The following OPCML variants were observed in gnomAD, a reference collection of about 807,000 sequenced individuals.
OPCML encodes the protein opioid-binding protein/cell adhesion molecule.
A neutral mutation model predicts 37.8 loss-of-function variants in OPCML; 13 were observed. That is an observed-to-expected ratio of 0.34 (90% CI 0.22 to 0.55). The LOEUF is 0.55. Among genes scored for constraint, OPCML ranks in the 20% least tolerant of loss-of-function variants. The pLI is 0.91. For missense variants in OPCML, 341 were observed against 435.6 expected (o/e 0.78, Z 1.93); for synonymous variants, 176 against 168.8 (o/e 1.04, Z -0.33).
intron 4 of OPCML, among the ~76,000 whole-genome samples, chr11:132,490,810 C>CA (rs1014822376): frequency 6.3e-5 from 8 of 126,162 alleles, no homozygotes; most frequent in East Asian, 2.4e-4. Context: ...GACTCTATCT[C>CA]AAAAAAAAAG....
At chr11:133,286,303 T>A (rs1259207214) in intron 1 of OPCML, among the ~76,000 whole-genome samples, 5 of 150,930 alleles carry the variant, frequency 3.3e-5, no homozygotes, top group Admixed American at 6.6e-5. Context: ...ACAAAATAAA[T>A]AAATAAATAA....
chr11:133,388,767 A>G (rs1233391273), intron 1 of OPCML, among the ~76,000 whole-genome samples: 1 of 152,212 alleles, frequency 6.6e-6, no homozygotes, highest in African/African-American at 2.4e-5. Context: ...GAGTTATCAT[A>G]TAAGGATAGC....
chr11:132,503,389 G>T (rs1160665590), intron 4 of OPCML, among the ~76,000 whole-genome samples: 1 of 152,100 alleles, frequency 6.6e-6, no homozygotes, highest in Non-Finnish European at 1.5e-5. Context: ...CTGATAGAAG[G>T]TATTGATCAC....
At position 132,696,319 on chromosome 11, in the gene OPCML, G is replaced by C. The variant is rs149186426; in HGVS notation, c.147-39000C>G. ...ACAACATCACAGAAAGCCCACCCTA[G>C]CTATGATGAAATCCTATTCCAGTGC... On this transcript the variant is annotated intron_variant, in intron 2 of 7. Coordinates refer to ENST00000524381, the MANE Select transcript of OPCML (RefSeq NM_001012393.5). Among the ~76,000 whole-genome samples the C allele has an allele frequency of 1.9e-3, 290 of 152,176 alleles. 3 individuals are homozygous for C. Among genetic ancestry groups the C allele is most frequent in the African/African-American group, 6.6e-3 (273 of 41,524 alleles).
At chr11:132,548,367 C>G (rs1283369053) in intron 3 of OPCML, among the ~76,000 whole-genome samples, 1 of 152,128 alleles carries the variant, frequency 6.6e-6, no homozygotes, top group African/African-American at 2.4e-5. Context: ...CACCTGCCCC[C>G]CTATATCTGC....
chr11:132,590,343 G>T (rs2096482366), intron 3 of OPCML, among the ~76,000 whole-genome samples: 1 of 150,388 alleles, frequency 6.6e-6, no homozygotes, highest in African/African-American at 2.5e-5. Context: ...AAACAAAGGT[G>T]CCTCCCCCAG....
intron 1 of OPCML, among the ~76,000 whole-genome samples, chr11:133,460,504 A>G (rs1440608633): frequency 1.3e-5 from 2 of 151,918 alleles, no homozygotes; most frequent in African/African-American, 4.8e-5. Context: ...AAAAATCAGC[A>G]TGGAATATTA....
intron 3 of OPCML, among the ~76,000 whole-genome samples, chr11:132,615,466 C>T (rs1938947617): frequency 1.3e-5 from 2 of 152,100 alleles, no homozygotes; most frequent in South Asian, 4.2e-4. Context: ...TCAGCGAGTT[C>T]CATGTCCACA....
At chr11:132,725,538 C>T (rs903262442) in intron 2 of OPCML, among the ~76,000 whole-genome samples, 1 of 152,152 alleles carries the variant, frequency 6.6e-6, no homozygotes, top group East Asian at 1.9e-4. Flanking sequence ...CTCCTTGTTA[C>T]TTATGCAAAT....
chr11:132,852,375 G>A (rs529915217), intron 2 of OPCML, among the ~76,000 whole-genome samples: 4 of 152,248 alleles, frequency 2.6e-5, no homozygotes, highest in South Asian at 2.1e-4. Flanking sequence ...CTATACCAGC[G>A]GTTTTCAAAG....
chr11:132,578,762 A>G (rs930618721), intron 3 of OPCML, among the ~76,000 whole-genome samples: 2 of 152,212 alleles, frequency 1.3e-5, no homozygotes, highest in African/African-American at 2.4e-5. Flanking sequence ...CTGCTGTACA[A>G]TATTCTGACT....
chr11:133,484,374 T>G (rs919418473), intron 1 of OPCML, among the ~76,000 whole-genome samples: 1 of 152,122 alleles, frequency 6.6e-6, no homozygotes, highest in African/African-American at 2.4e-5. Flanking sequence ...TATCTAGGTT[T>G]CTAAATTCAA....
chr11:133,181,466 AAAAAAAATTTAC>A (rs1305345891), intron 1 of OPCML, among the ~76,000 whole-genome samples: 1 of 72,326 alleles, frequency 1.4e-5, no homozygotes, highest in African/African-American at 6.9e-5. Context: ...GTGAACTTTA[AAAAAAAATTTAC>A]AAAGTGGGGG....
chr11:133,008,270 T>TA, intron 1 of OPCML: 1 of 985,392 alleles, frequency 1.0e-6, no homozygotes, highest in South Asian at 4.7e-5. Context: ...GGGTGAATCA[T>TA]AGAGAGTTGA....
chr11:133,471,834 A>C (rs1947123108), intron 1 of OPCML, among the ~76,000 whole-genome samples: 1 of 152,170 alleles, frequency 6.6e-6, no homozygotes, highest in South Asian at 2.1e-4. Flanking sequence ...AGACAGAGGG[A>C]GTAGAGAAAA....
rs187763034 is a variant in OPCML at position 132,778,399 on chromosome 11, G to A, written c.147-121080C>T. On this transcript the variant is annotated intron_variant, in intron 2 of 7. Transcript: ENST00000524381. ...TCATCATCTACATGGCAGTTGGTACGATACTAAGAGACATGGAAGATTAAA... is the reference window on the plus strand; with the variant it reads ...TCATCATCTACATGGCAGTTGGTACAATACTAAGAGACATGGAAGATTAAA... Among the ~76,000 whole-genome samples, 36 of 152,234 alleles carry A rather than the reference G, an allele frequency of 2.4e-4. No individual in the cohort carries two copies. In the East Asian group the frequency reaches 3.1e-3, roughly 13 times the overall value.
chr11:133,121,374 T>A (rs1949417998), intron 1 of OPCML, among the ~76,000 whole-genome samples: 1 of 152,194 alleles, frequency 6.6e-6, no homozygotes, highest in Non-Finnish European at 1.5e-5. Context: ...CTCACCTATC[T>A]CCTTAGTGAA....
intron 1 of OPCML, among the ~76,000 whole-genome samples, chr11:133,379,307 C>G (rs1455598355): frequency 6.6e-6 from 1 of 152,220 alleles, no homozygotes; most frequent in Non-Finnish European, 1.5e-5. Flanking sequence ...ATGCTCTGGT[C>G]TTCTACACCC....
intron 2 of OPCML, among the ~76,000 whole-genome samples, chr11:132,677,068 T>C (rs1313013834): frequency 6.6e-6 from 1 of 152,104 alleles, no homozygotes; most frequent in African/African-American, 2.4e-5. Context: ...GATACAAAGT[T>C]AGTATATAAA....
Sources: gnomAD v4.1 joint callset for allele counts (sites outside exome capture counted in the v4.1 genomes callset) on GRCh38, gnomAD v4.1.1 for gene constraint, MANE v1.5 for transcripts, NCBI Gene and HGNC (gene_info 2026-07-23, HGNC 2026-07-21) for gene names.